The following PLAAT1 variants were observed in gnomAD, a reference collection of about 807,000 sequenced individuals.
The protein encoded by PLAAT1 is H-REV107 protein-related protein.
A neutral mutation model predicts 16.4 loss-of-function variants in PLAAT1; 13 were observed. The observed-to-expected ratio is 0.79, with a 90% CI of 0.52 to 1.26. The LOEUF (loss-of-function observed/expected upper bound fraction) is 1.26, where lower values mean the gene tolerates loss of function less well. Ranked by LOEUF, PLAAT1 falls within the 50% of genes most tolerant of loss-of-function variation. The pLI, the probability that PLAAT1 is intolerant of heterozygous loss-of-function variation, is 0.00. For missense variants in PLAAT1, 218 were observed against 207.8 expected, an observed-to-expected ratio of 1.05 and a Z score of -0.30; for synonymous variants, 73 against 78.4, an observed-to-expected ratio of 0.93 and a Z score of 0.36.
intron 2 of PLAAT1, among the ~76,000 whole-genome samples, 175 bp from the exon 3 acceptor site, chr3:193,262,795 C>T (rs1256989279): frequency 6.6e-6 from 1 of 152,188 alleles, no homozygotes; most frequent in Non-Finnish European, 1.5e-5. Context: ...GTAAGTGTTA[C>T]TGCTAAGTTA....
In PLAAT1 at chr3:193,241,257, G is replaced by A. The variant is rs1297044935; in HGVS notation, c.-277G>A. On this transcript the variant is annotated 5_prime_UTR_variant, in exon 1 of 4. Coordinates refer to ENST00000264735, the MANE Select transcript of PLAAT1 (RefSeq NM_020386.5). The stretch of plus-strand genomic sequence containing the variant: ...CGTGCCGGCTCGGCAGCGCCCGGAC[G>A]CCGAGCCCAGCGCGTCGGCCCCCCG... 1.6e-6 allele frequency: 2 copies of A among 1,227,934 alleles called. No individual in the cohort carries two copies. Among genetic ancestry groups the A allele is most frequent in the Non-Finnish European group, 2.0e-6 (2 of 985,600 alleles). 76.1% of individuals were successfully genotyped at this position (1,227,934 alleles called of 1,614,324 possible). A position where few individuals can be genotyped will look rare whatever the true frequency, so the allele number is the denominator to read the frequency against.
downstream of PLAAT1, among the ~76,000 whole-genome samples, chr3:193,274,145 A>G (rs1008788485): frequency 2.6e-5 from 4 of 152,110 alleles, no homozygotes; most frequent in African/African-American, 9.7e-5. Flanking sequence ...CGAGAGGCTG[A>G]GGCAGGGGAA....
intron 2 of PLAAT1, among the ~76,000 whole-genome samples, chr3:193,262,267 G>A (rs1716610693): frequency 6.6e-6 from 1 of 151,998 alleles, no homozygotes; most frequent in Admixed American, 6.6e-5. Context: ...GTCGTAAGTG[G>A]GTAGGTCACT....
chr3:193,272,668 C>T (rs926522919), downstream of PLAAT1, among the ~76,000 whole-genome samples: 4 of 152,182 alleles, frequency 2.6e-5, no homozygotes. Flanking sequence ...TCAAGTGCAG[C>T]CTTTCTGGAG....
intron 2 of PLAAT1, among the ~76,000 whole-genome samples, chr3:193,259,657 A>G (rs917231560): frequency 6.6e-6 from 1 of 152,204 alleles, no homozygotes; most frequent in Non-Finnish European, 1.5e-5. Context: ...ACCTAGGAAT[A>G]CATCCAACCA....
downstream of PLAAT1, chr3:193,274,908 A>T: frequency 1.5e-6 from 2 of 1,298,696 alleles, no homozygotes; most frequent in Non-Finnish European, 2.1e-6. Flanking sequence ...TGCAAGGTTT[A>T]ATTCATTGAA....
At chr3:193,241,101 GA>G, upstream of PLAAT1, 1 of 825,614 alleles carries the variant, frequency 1.2e-6, no homozygotes, top group Non-Finnish European at 1.6e-6. Context: ...GTCGGGGCGC[GA>G]GAAGGTGCAG....
At chr3:193,271,977 A>G (rs1577314239), downstream of PLAAT1, among the ~76,000 whole-genome samples, 1 of 151,834 alleles carries the variant, frequency 6.6e-6, no homozygotes, top group African/African-American at 2.4e-5. Flanking sequence ...TCCCTTTCTT[A>G]TGGCATCAAC....
At chr3:193,255,839 T>C in intron 2 of PLAAT1, 50 bp downstream of exon 2, 1 of 1,447,132 alleles carries the variant, frequency 6.9e-7, no homozygotes. Flanking sequence ...AGTGTTCTTG[T>C]TACAGGAAGT....
chr3:193,264,506 TTCTTC>T (rs928413801), intron 3 of PLAAT1, among the ~76,000 whole-genome samples: 29 of 33,776 alleles, frequency 8.6e-4, no homozygotes, highest in Non-Finnish European at 1.3e-3. Context: ...TTTCTTCTTC[TTCTTC>T]TTTTTTTTTT....
downstream of PLAAT1, among the ~76,000 whole-genome samples, chr3:193,280,887 ACCC>A (rs1193418258): frequency 1.3e-5 from 2 of 151,526 alleles, no homozygotes; most frequent in African/African-American, 2.4e-5. Context: ...TACTCCTCCC[ACCC>A]CCAACTCTCT....
intron 1 of PLAAT1, among the ~76,000 whole-genome samples, chr3:193,251,912 C>A (rs1490003516): frequency 6.6e-6 from 1 of 151,800 alleles, no homozygotes; most frequent in African/African-American, 2.4e-5. Flanking sequence ...TGCTGAGGTC[C>A]CCTTATTGTG....
intron 3 of PLAAT1, among the ~76,000 whole-genome samples, chr3:193,266,472 CAACAAATAGTAAG>C (rs1378099777): frequency 6.6e-6 from 1 of 152,072 alleles, no homozygotes; most frequent in African/African-American, 2.4e-5. Context: ...AATTTTTCTT[CAACAAATAGTAAG>C]AACCTGTCTC....
chr3:193,274,357 A>C (rs1191715126), downstream of PLAAT1, among the ~76,000 whole-genome samples: 3 of 152,178 alleles, frequency 2.0e-5, no homozygotes, highest in Non-Finnish European at 4.4e-5. Flanking sequence ...TCTACTCTAA[A>C]CTTTCCTGTT....
chr3:193,276,594 A>C (rs986059219), intron 2 of PLAAT1, among the ~76,000 whole-genome samples: 3 of 152,206 alleles, frequency 2.0e-5, no homozygotes, highest in Non-Finnish European at 2.9e-5. Flanking sequence ...CATTCCCCCC[A>C]AAATTTTCCT....
At chr3:193,249,513 G>C (rs1716114455) in intron 1 of PLAAT1, among the ~76,000 whole-genome samples, 1 of 152,024 alleles carries the variant, frequency 6.6e-6, no homozygotes, top group Non-Finnish European at 1.5e-5. Context: ...ATTATATGTT[G>C]TTTTGCTTTA....
chr3:193,255,714 G>A lies in PLAAT1; in HGVS notation c.64G>A (p.Glu22Lys), dbSNP rs775278286. The A allele has an allele frequency of 6.8e-6, 11 of 1,613,146 alleles. No homozygotes were observed. Among genetic ancestry groups the A allele is most frequent in the South Asian group, 3.3e-5 (3 of 90,958 alleles). The change falls in exon 2 of 4, where the codon GAA becomes AAA. Residue 22 changes from glutamate (E) to lysine (K), a missense_variant. Coordinates refer to ENST00000264735, the MANE Select transcript of PLAAT1 (RefSeq NM_020386.5). ...PGNPCPGDLIEVFRPGYQHWA... is the reference protein window; with the variant it reads ...PGNPCPGDLIKVFRPGYQHWA... Reference sequence around the variant, plus strand: ...CAACCCCTGCCCAGGGGACTTGATCGAAGTGTTCCGTCCTGGCTATCAGCA... The same window carrying A: ...CAACCCCTGCCCAGGGGACTTGATCAAAGTGTTCCGTCCTGGCTATCAGCA...
At position 193,249,088 on chromosome 3, in the gene PLAAT1, A is replaced by T. The variant is rs140319806; in HGVS notation, c.1-6563A>T. ...TTTGAAGGACAGGATTGCTGAGTGT[A>T]GTATTCTTGGTTGGCAGGGTTTTTT... is the stretch of plus-strand genomic sequence containing the variant. On this transcript the variant is annotated intron_variant, in intron 1 of 3. Coordinates refer to ENST00000264735, the MANE Select transcript of PLAAT1 (RefSeq NM_020386.5). Among the ~76,000 whole-genome samples, 168 of 152,136 alleles carry T rather than the reference A, an allele frequency of 1.1e-3. 1 individual carries two copies. Among genetic ancestry groups the T allele is most frequent in the African/African-American group, 3.8e-3 (158 of 41,516 alleles).
At chr3:193,252,789 C>T (rs1716238940) in intron 1 of PLAAT1, among the ~76,000 whole-genome samples, 1 of 151,994 alleles carries the variant, frequency 6.6e-6, no homozygotes, top group African/African-American at 2.4e-5. Flanking sequence ...GTTTCAGCAC[C>T]AATTGTCAAA....
Sources: gnomAD v4.1 joint callset for allele counts (sites outside exome capture counted in the v4.1 genomes callset) on GRCh38, gnomAD v4.1.1 for gene constraint, MANE v1.5 for transcripts, NCBI Gene and HGNC (gene_info 2026-07-23, HGNC 2026-07-21) for gene names.